ZSCAN30: variants seen among roughly 807,000 people sequenced by gnomAD.
ZSCAN30 encodes zinc finger and SCAN domain containing 30.
A neutral mutation model predicts 44.3 loss-of-function variants in ZSCAN30; 37 were observed. That is an observed-to-expected ratio of 0.84 (90% CI 0.64 to 1.10). ZSCAN30 has a LOEUF of 1.10. Ranked by LOEUF, ZSCAN30 falls within the 50% of genes least tolerant of loss-of-function variation. The probability of loss-of-function intolerance (pLI) is 0.00; values close to 1 mark genes in which losing one functional copy is unlikely to be tolerated. For synonymous variants in ZSCAN30, 181 were observed against 204.6 expected (o/e 0.88, Z 0.98); for missense variants, 549 against 582.6 (o/e 0.94, Z 0.59).
At chr18:35,266,197 C>T (rs745943077) in intron 1 of ZSCAN30, among the ~76,000 whole-genome samples, 5 of 152,248 alleles carry the variant, frequency 3.3e-5, no homozygotes, top group Non-Finnish European at 1.5e-5. Flanking sequence ...GTTAAGAACC[C>T]GGTGCCAGAC....
At chr18:35,258,970 G>A (rs984207963) in intron 3 of ZSCAN30, 1 of 138,268 alleles carries the variant, frequency 7.2e-6, no homozygotes, top group Admixed American at 7.8e-5. Flanking sequence ...GTAAACTAAA[G>A]AAAGTGGATT....
chr18:35,258,263 G>A (rs1288566589), intron 3 of ZSCAN30: 4 of 408,130 alleles, frequency 9.8e-6, no homozygotes, highest in South Asian at 3.0e-5. Context: ...CGCATAAATG[G>A]AGAACGAGTA....
At chr18:35,260,222 T>A (rs2043993737) in intron 3 of ZSCAN30, 1 of 152,400 alleles carries the variant, frequency 6.6e-6, no homozygotes, top group South Asian at 2.1e-4. Context: ...TAGTATTCGA[T>A]GGTGTATACA....
At chr18:35,277,242 A>T (rs559201846) in intron 1 of ZSCAN30, among the ~76,000 whole-genome samples, 1 of 152,266 alleles carries the variant, frequency 6.6e-6, no homozygotes, top group East Asian at 1.9e-4. Flanking sequence ...GCCTTGTCTC[A>T]GACTTTGGAT....
At chr18:35,258,123 T>G in intron 3 of ZSCAN30, 1 of 661,732 alleles carries the variant, frequency 1.5e-6, no homozygotes, top group Non-Finnish European at 2.7e-6. Flanking sequence ...CCTCATGACC[T>G]AGGTGAAAGC....
At chr18:35,270,485 A>C (rs1317683236) in intron 1 of ZSCAN30, among the ~76,000 whole-genome samples, 1 of 152,164 alleles carries the variant, frequency 6.6e-6, no homozygotes, top group Admixed American at 6.5e-5. Flanking sequence ...TTCTTTCTTT[A>C]GTGATAATGT....
intron 1 of ZSCAN30, among the ~76,000 whole-genome samples, chr18:35,274,206 G>A (rs982635000): frequency 3.9e-5 from 6 of 151,984 alleles, no homozygotes; most frequent in African/African-American, 1.5e-4. Flanking sequence ...TTTTTTGCTT[G>A]TTTTTTGTTT....
At chr18:35,271,332 A>G (rs1286795061) in intron 1 of ZSCAN30, among the ~76,000 whole-genome samples, 2 of 152,228 alleles carry the variant, frequency 1.3e-5, no homozygotes, top group East Asian at 3.9e-4. Context: ...ACAATCCCTG[A>G]GCTAGACACA....
rs780144550 is a variant in ZSCAN30, at chr18:35,253,610, T to G, written c.1325A>C (p.Glu442Ala). ...QRIHTGEKPYECNECGKSFNQ... is the reference protein window; with the variant it reads ...QRIHTGEKPYACNECGKSFNQ... ...GAAGGATTTTCCACATTCATTACAT[T>G]CATAAGGTTTCTCTCCAGTGTGAAT... Residue 442 changes from glutamate (E) to alanine (A), a missense_variant, in exon 4 of 4, where the codon GAA becomes GCA. Coordinates refer to ENST00000333206, the MANE Select transcript of ZSCAN30 (RefSeq NM_001112734.4). 1.9e-6 allele frequency: 3 copies of G among 1,614,016 alleles called. No individual in the cohort carries two copies. In the African/African-American group the frequency reaches 4.0e-5, roughly 22 times the overall value.
At chr18:35,283,551 A>G (rs1409554243) in intron 1 of ZSCAN30, 1 of 152,320 alleles carries the variant, frequency 6.6e-6, no homozygotes. Flanking sequence ...GGGATGTGTG[A>G]GCGAAAGAGT....
intron 1 of ZSCAN30, among the ~76,000 whole-genome samples, chr18:35,272,047 C>A (rs955598653): frequency 6.6e-6 from 1 of 152,236 alleles, no homozygotes; most frequent in Admixed American, 6.5e-5. Flanking sequence ...CCAGCTCCCC[C>A]TCGGCCAGCC....
At chr18:35,266,289 G>A (rs1403382023) in intron 1 of ZSCAN30, among the ~76,000 whole-genome samples, 1 of 152,188 alleles carries the variant, frequency 6.6e-6, no homozygotes, top group Non-Finnish European at 1.5e-5. Context: ...CATGGCCACA[G>A]TGATGGCTGG....
intron 1 of ZSCAN30, among the ~76,000 whole-genome samples, chr18:35,280,471 C>A (rs907436147): frequency 2.0e-5 from 3 of 152,070 alleles, no homozygotes; most frequent in African/African-American, 7.2e-5. Flanking sequence ...AAAGATTTTT[C>A]AAGGTGATGC....
intron 1 of ZSCAN30, among the ~76,000 whole-genome samples, chr18:35,265,002 C>T (rs1361078065): frequency 3.9e-5 from 6 of 151,964 alleles, no homozygotes; most frequent in African/African-American, 9.7e-5. Context: ...AAAAATTAGC[C>T]GGGCGTGGTG....
At chr18:35,259,879 A>C (rs1190909517) in intron 3 of ZSCAN30, among the ~76,000 whole-genome samples, 1 of 152,228 alleles carries the variant, frequency 6.6e-6, no homozygotes, top group African/African-American at 2.4e-5. Flanking sequence ...AGTTTAATTT[A>C]AGTTCCAGGA....
chr18:35,271,608 A>G (rs1197383879), intron 1 of ZSCAN30, among the ~76,000 whole-genome samples: 1 of 152,344 alleles, frequency 6.6e-6, no homozygotes, highest in East Asian at 1.9e-4. Flanking sequence ...AACCCGTGCC[A>G]GGGCCGTGGG....
At chr18:35,280,140 G>A (rs2044429820) in intron 1 of ZSCAN30, among the ~76,000 whole-genome samples, 1 of 152,024 alleles carries the variant, frequency 6.6e-6, no homozygotes, top group African/African-American at 2.4e-5. Flanking sequence ...GCCAGTCATG[G>A]TGGCATGCGC....
intron 1 of ZSCAN30, chr18:35,268,034 C>G (rs1429890333): frequency 6.6e-6 from 1 of 152,276 alleles, no homozygotes; most frequent in Non-Finnish European, 1.5e-5. Context: ...TGGACTCTGC[C>G]CTCGAGCTGC....
intron 1 of ZSCAN30, among the ~76,000 whole-genome samples, chr18:35,271,631 C>T (rs1373884119): frequency 6.6e-6 from 1 of 152,276 alleles, no homozygotes; most frequent in Non-Finnish European, 1.5e-5. Context: ...TAGCTGCCTG[C>T]CAGTCCTGCA....
Sources: allele counts gnomAD v4.1 joint callset (sites outside exome capture counted in the v4.1 genomes callset), GRCh38; gene constraint gnomAD v4.1.1; transcripts MANE v1.5; gene names NCBI Gene and HGNC (gene_info 2026-07-23, HGNC 2026-07-21).